The following CRB1 variants were observed in gnomAD, a reference collection of about 807,000 sequenced individuals.
The protein encoded by CRB1 is protein crumbs homolog 1.
Under a neutral mutation model 120.0 loss-of-function variants are expected in CRB1, and 83 were observed. That is an observed-to-expected ratio of 0.69 (90% confidence interval 0.58 to 0.83). The LOEUF (loss-of-function observed/expected upper bound fraction) is 0.83. Ranked by LOEUF, CRB1 falls within the 40% of genes least tolerant of loss-of-function variation. CRB1 has a pLI of 0.00. For synonymous variants in CRB1, 625 were observed against 612.5 expected (o/e 1.02, Z -0.30); for missense variants, 1,699 against 1,687.6 (o/e 1.01, Z -0.12).
chr1:197,224,673 G>T, the CRB1 span, among the ~76,000 whole-genome samples: 1 of 151,828 alleles, frequency 6.6e-6, no homozygotes, highest in African/African-American at 2.4e-5. Context: ...GACTTTCTTG[G>T]CTATTAATAC....
chr1:197,344,235 T>C lies in CRB1; in HGVS notation c.653-46T>C. ...TGTCAAATTGCTAAATTATGAACAC[T>C]TTGCTAAAACTTTTTCTGTTTTTTC... On this transcript the variant is annotated intron_variant, in intron 2 of 11. Transcript: ENST00000367400. 3 of 1,583,942 alleles carry C rather than the reference T, an allele frequency of 1.9e-6. No individual in the cohort carries two copies. In the African/African-American group the frequency reaches 4.0e-5, roughly 21 times the overall value.
At chr1:197,468,349 G>T (rs1341812568) in intron 11 of CRB1, among the ~76,000 whole-genome samples, 3 of 151,406 alleles carry the variant, frequency 2.0e-5, no homozygotes, top group Non-Finnish European at 2.9e-5. Flanking sequence ...AAAGATAATG[G>T]TTATGCCTTT....
intron 5 of CRB1, among the ~76,000 whole-genome samples, chr1:197,366,617 T>C (rs189350693): frequency 6.6e-6 from 1 of 152,246 alleles, no homozygotes; most frequent in African/African-American, 2.4e-5. Flanking sequence ...CTCAGGGAGT[T>C]AGAAATAGAG....
At chr1:197,253,936 G>A in the CRB1 span, among the ~76,000 whole-genome samples, 14 of 152,124 alleles carry the variant, frequency 9.2e-5, no homozygotes, top group African/African-American at 3.4e-4. Flanking sequence ...TTGTTTGTTT[G>A]TTTTTGTAAT....
At chr1:197,287,286 C>A (rs1490343559) in intron 1 of CRB1, among the ~76,000 whole-genome samples, 2 of 151,790 alleles carry the variant, frequency 1.3e-5, no homozygotes. Context: ...CCTACTGTAA[C>A]CAGGCTAATA....
chr1:197,428,681 T>C (rs1383167469), intron 7 of CRB1, among the ~76,000 whole-genome samples: 1 of 152,220 alleles, frequency 6.6e-6, no homozygotes, highest in African/African-American at 2.4e-5. Context: ...AACATAGTTA[T>C]GGAACATTTT....
At chr1:197,265,179 T>A (rs1487094380), upstream of CRB1, among the ~76,000 whole-genome samples, 1 of 152,210 alleles carries the variant, frequency 6.6e-6, no homozygotes, top group African/African-American at 2.4e-5. Context: ...ATTTGTGAAC[T>A]GTGAATTGTA....
chr1:197,208,499 T>C, the CRB1 span, among the ~76,000 whole-genome samples: 1 of 152,166 alleles, frequency 6.6e-6, no homozygotes, highest in Non-Finnish European at 1.5e-5. Context: ...TTCTTCTGGA[T>C]GTAGCCACCC....
intron 4 of CRB1, among the ~76,000 whole-genome samples, chr1:197,347,689 T>A (rs1659856709): frequency 6.6e-6 from 1 of 152,162 alleles, no homozygotes; most frequent in South Asian, 2.1e-4. Flanking sequence ...TGCCCAATGA[T>A]CATAACCCTC....
chr1:197,460,180 G>A (rs891214276), intron 11 of CRB1, among the ~76,000 whole-genome samples: 1 of 151,772 alleles, frequency 6.6e-6, no homozygotes, highest in African/African-American at 2.4e-5. Flanking sequence ...ACTAAAAATT[G>A]AGCAAATTCC....
chr1:197,435,147 G>A lies in CRB1; in HGVS notation c.3284G>A (p.Gly1095Glu), dbSNP rs751213257. 4.3e-6 allele frequency: 7 copies of A among 1,613,826 alleles called. No homozygotes were observed. In the Admixed American group the frequency reaches 1.0e-4, roughly 23 times the overall value. The change falls in exon 9 of 12, where the codon GGG becomes GAG. Residue 1095 changes from glycine to glutamate, a missense_variant. By Grantham distance (98) the Gly-to-Glu change is moderately conservative (BLOSUM62 -2). Coordinates refer to ENST00000367400, the MANE Select transcript of CRB1 (RefSeq NM_201253.3). ...RAIDNIKGLQ[G>E]CLSTIEIGGI... is the part of the protein sequence containing the mutation. ...ATTGACAATATAAAGGGCCTGCAAG[G>A]GTGTCTAAGTACAATAGAAATCGGA...
At chr1:197,236,033 T>C in the CRB1 span, among the ~76,000 whole-genome samples, 1 of 152,090 alleles carries the variant, frequency 6.6e-6, no homozygotes, top group Admixed American at 6.5e-5. Flanking sequence ...TGGACCCAGC[T>C]TGGAATTCTT....
chr1:197,288,784 T>G (rs1317474875), intron 1 of CRB1, among the ~76,000 whole-genome samples: 1 of 151,238 alleles, frequency 6.6e-6, no homozygotes, highest in Non-Finnish European at 1.5e-5. Context: ...AAATTAAACA[T>G]AAAGAGAAAA....
intron 11 of CRB1, among the ~76,000 whole-genome samples, chr1:197,464,521 A>G (rs1000267259): frequency 1.3e-5 from 2 of 152,094 alleles, no homozygotes; most frequent in African/African-American, 4.8e-5. Flanking sequence ...GGGTATGGGA[A>G]AAAGTAGAGA....
intron 5 of CRB1, among the ~76,000 whole-genome samples, chr1:197,409,240 A>G (rs1005536845): frequency 6.6e-6 from 1 of 152,230 alleles, no homozygotes; most frequent in Non-Finnish European, 1.5e-5. Context: ...CACAATCTTA[A>G]TATACAAAAT....
rs983449864 is a variant in CRB1, at chr1:197,434,858, C to T, written c.2995C>T (p.Leu999Phe). The T allele has an allele frequency of 5.0e-6, 8 of 1,613,686 alleles. No homozygotes were observed. In the African/African-American group the frequency reaches 1.1e-4, roughly 22 times the overall value. The change falls in exon 9 of 12, where the codon CTT (leucine) becomes TTT (phenylalanine). Residue 999 changes from leucine to phenylalanine, a missense_variant. Leu to Phe is a conservative substitution (Grantham distance 22). Transcript: ENST00000367400. ...GCATGCAGAAAAAGAGCCTGAATTT[C>T]TTAATATTAGCATTCAAGATTCCAG... ...ILHAEKEPEFLNISIQDSRLF... is the reference protein window; with the variant it reads ...ILHAEKEPEFFNISIQDSRLF...
At chr1:197,470,772 C>T (rs2125562552) in intron 11 of CRB1, among the ~76,000 whole-genome samples, 1 of 152,368 alleles carries the variant, frequency 6.6e-6, no homozygotes, top group African/African-American at 2.4e-5. Context: ...CCTATGATGG[C>T]TCCTGCCAGG....
chr1:197,393,926 G>A (rs550194080), intron 5 of CRB1, among the ~76,000 whole-genome samples: 1 of 152,080 alleles, frequency 6.6e-6, no homozygotes, highest in African/African-American at 2.4e-5. Flanking sequence ...CTACGATAAT[G>A]ATCTTAAGAC....
chr1:197,379,203 C>G (rs1661806243), intron 5 of CRB1, among the ~76,000 whole-genome samples: 1 of 152,094 alleles, frequency 6.6e-6, no homozygotes, highest in Non-Finnish European at 1.5e-5. Flanking sequence ...CTAATGGTAA[C>G]ATCAAGGCAA....
Sources: gnomAD v4.1 joint callset for allele counts (sites outside exome capture counted in the v4.1 genomes callset) on GRCh38, gnomAD v4.1.1 for gene constraint, MANE v1.5 for transcripts, NCBI Gene and HGNC (gene_info 2026-07-23, HGNC 2026-07-21) for gene names.